The following KIAA0232 variants were observed in gnomAD, a reference collection of about 807,000 sequenced individuals.
KIAA0232 encodes uncharacterized protein KIAA0232.
In KIAA0232, 27 loss-of-function variants were observed where a neutral mutation model predicts 122.0. The ratio of observed to expected loss-of-function variants is 0.22; its 90% confidence interval spans 0.16 to 0.31. The LOEUF (loss-of-function observed/expected upper bound fraction) is 0.31. Among genes scored for constraint, KIAA0232 ranks in the 10% least tolerant of loss-of-function variants. The probability of loss-of-function intolerance (pLI) is 1.00; values close to 1 mark genes in which losing one functional copy is unlikely to be tolerated. For synonymous variants in KIAA0232, 613 were observed against 587.6 expected, an observed-to-expected ratio of 1.04 and a Z score of -0.63; for missense variants, 1,551 against 1,634.2, an observed-to-expected ratio of 0.95 and a Z score of 0.88.
intron 2 of KIAA0232, among the ~76,000 whole-genome samples, chr4:6,814,224 C>T (rs559624112): frequency 6.6e-6 from 1 of 152,126 alleles, no homozygotes; most frequent in Non-Finnish European, 1.5e-5. Context: ...GTTGTATTTC[C>T]ATATTCCTCC....
At chr4:6,830,561 C>A (rs1718918883) in intron 3 of KIAA0232, among the ~76,000 whole-genome samples, 1 of 151,888 alleles carries the variant, frequency 6.6e-6, no homozygotes, top group South Asian at 2.1e-4. Context: ...CGTGCATTAC[C>A]ATGCCTGGGT....
At chr4:6,850,175 C>T (rs1448307733) in intron 4 of KIAA0232, among the ~76,000 whole-genome samples, 1 of 152,120 alleles carries the variant, frequency 6.6e-6, no homozygotes, top group African/African-American at 2.4e-5. Flanking sequence ...GGGTTAGGGG[C>T]TGGGGTATGA....
chr4:6,871,646 T>A lies in KIAA0232; in HGVS notation c.3874T>A (p.Leu1292Met). ...AAAACAGACCTGGTGGGAAAAAGCC[T>A]TGTACTCTCCTCTTTTTCCTGCATC... ...QEKQTWWEKA[L>M]YSPLFPASEC... Residue 1292 changes from leucine to methionine, a missense_variant, in exon 8 of 10, where the codon TTG becomes ATG. Leu to Met is a conservative substitution (Grantham distance 15). Transcript: ENST00000307659. 6.2e-7 allele frequency: 1 copy of A among 1,611,744 alleles called. No individual in the cohort carries two copies. Among genetic ancestry groups the A allele is most frequent in the South Asian group, 1.1e-5 (1 of 91,006 alleles).
intron 3 of KIAA0232, 121 bp downstream of exon 3, chr4:6,824,805 C>T: frequency 2.5e-6 from 2 of 810,594 alleles, no homozygotes; most frequent in Non-Finnish European, 4.0e-6. Flanking sequence ...AAACATTTAA[C>T]CTGTCAGTGA....
intron 9 of KIAA0232, among the ~76,000 whole-genome samples, chr4:6,877,173 T>C (rs989673142): frequency 4.6e-5 from 7 of 152,300 alleles, no homozygotes; most frequent in Non-Finnish European, 8.8e-5. Flanking sequence ...GCCAGTGTGC[T>C]TGTTGCCGCT....
intron 7 of KIAA0232, 91 bp downstream of exon 7, chr4:6,864,274 A>C (rs1039444561): frequency 6.6e-6 from 9 of 1,373,040 alleles, no homozygotes; most frequent in South Asian, 2.9e-5. Flanking sequence ...ATAGGGTTAA[A>C]TTATTGGGAA....
intron 8 of KIAA0232, among the ~76,000 whole-genome samples, chr4:6,876,312 TGTGG>T (rs1273953160): frequency 3.3e-5 from 5 of 152,208 alleles, no homozygotes; most frequent in African/African-American, 1.2e-4. Flanking sequence ...GCATGGGCCC[TGTGG>T]GTCTCTCTGT....
Position 6,861,925 on chromosome 4 carries a change from G to C in KIAA0232, c.1543G>C (p.Asp515His). The C allele has an allele frequency of 6.2e-7, 1 of 1,613,984 alleles. No homozygotes were observed. Among genetic ancestry groups the C allele is most frequent in the Non-Finnish European group, 8.5e-7 (1 of 1,179,940 alleles). ...AACGCACTTCTATGAAGTGGATATT[G>C]ATCAATCCATGTTGGATCCTGGTGC... ...ELTHFYEVDI[D>H]QSMLDPGASE... is the part of the protein sequence containing the mutation. Residue 515 changes from aspartate (D) to histidine (H), a missense_variant, in exon 7 of 10, where the codon GAT becomes CAT. Physicochemically the swap from Asp to His is moderately conservative, Grantham distance 81. Around this residue, in one of 5 missense-constraint regions of KIAA0232, gnomAD observed 1,108 missense variants for 1,154.8 expected, o/e 0.96. Coordinates refer to ENST00000307659, the MANE Select transcript of KIAA0232 (RefSeq NM_014743.3).
intron 2 of KIAA0232, among the ~76,000 whole-genome samples, chr4:6,814,203 A>G (rs1399893553): frequency 6.6e-6 from 1 of 152,156 alleles, no homozygotes; most frequent in African/African-American, 2.4e-5. Context: ...ACTGGACAGC[A>G]AAGAGAGGTT....
rs551843694 is a variant in KIAA0232, at chr4:6,809,922, A to T, written c.-270+5316A>T. Reference sequence around the variant, plus strand: ...GAAGACTACAAAATACTGATAAAAGAAATTGTAGATGACAAATAAATGGAA... The same window carrying T: ...GAAGACTACAAAATACTGATAAAAGTAATTGTAGATGACAAATAAATGGAA... On this transcript the variant is annotated intron_variant, in intron 2 of 9. Transcript: ENST00000307659. Among the ~76,000 whole-genome samples the T allele has an allele frequency of 2.0e-4, 31 of 152,330 alleles. No homozygotes were observed. The South Asian group carries it at 6.4e-3, about 32-fold the overall frequency.
intron 9 of KIAA0232, among the ~76,000 whole-genome samples, chr4:6,877,087 CT>C (rs3214200): frequency 2.8e-3 from 403 of 146,406 alleles, no homozygotes; most frequent in African/African-American, 4.9e-3. Flanking sequence ...CACTTTTCAT[CT>C]TTTTTTTTTT....
intron 3 of KIAA0232, among the ~76,000 whole-genome samples, chr4:6,836,614 C>G (rs1233880973): frequency 7.1e-6 from 1 of 139,898 alleles, no homozygotes; most frequent in African/African-American, 2.7e-5. Flanking sequence ...TTGGCAGGGT[C>G]GTAGGACAAT....
rs1212740401 is a variant in KIAA0232 at position 6,841,056 on chromosome 4, T to C, written c.232-1011T>C. ...AATGCAAACAAGTGTGTGTGATATA[T>C]ACTGTTGTTTATGTAGCTTTTGCTA... is the stretch of plus-strand genomic sequence containing the variant. On this transcript the variant is annotated intron_variant, in intron 3 of 9. Transcript: ENST00000307659. Among the ~76,000 whole-genome samples the C allele has an allele frequency of 2.0e-5, 3 of 152,370 alleles. No individual in the cohort carries two copies. In the East Asian group the frequency reaches 5.8e-4, roughly 29 times the overall value.
Position 6,861,123 on chromosome 4 carries a change from C to T in KIAA0232, c.741C>T (p.Thr247=), listed in dbSNP as rs1720828990. Residue 247 remains threonine, a synonymous_variant, in exon 7 of 10, where the codon ACC becomes ACT. Transcript: ENST00000307659. The part of the protein sequence containing the change: ...SEVPTTVHEK[T]QSKSKNEKEN... ...TACCCACCACTGTGCATGAGAAAAC[C>T]CAGAGCAAAAGCAAAAACGAGAAGG... The T allele has an allele frequency of 6.2e-7, 1 of 1,614,094 alleles. No individual in the cohort carries two copies. The highest frequency in any genetic ancestry group is 8.5e-7 in the Non-Finnish European group (1 of 1,180,026).
intron 1 of KIAA0232, among the ~76,000 whole-genome samples, chr4:6,798,444 G>C (rs900455726): frequency 6.6e-6 from 1 of 152,182 alleles, no homozygotes; most frequent in Non-Finnish European, 1.5e-5. Context: ...TGTAGCATTG[G>C]CTACTACTAC....
In KIAA0232 at chr4:6,818,137, T is replaced by C. The variant is rs551757667; in HGVS notation, c.-269-6048T>C. Among the ~76,000 whole-genome samples the C allele has an allele frequency of 4.1e-4, 63 of 152,232 alleles. 2 individuals carry two copies. In the South Asian group the frequency reaches 0.011, roughly 27 times the overall value. On this transcript the variant is annotated intron_variant, in intron 2 of 9. Coordinates refer to ENST00000307659, the MANE Select transcript of KIAA0232 (RefSeq NM_014743.3). Reference sequence around the variant, plus strand: ...ACATTCCCAGGCTGGGTGAAGTGGCTCACGCCTGTAATTGTAGCACTTTGG... The same window carrying C: ...ACATTCCCAGGCTGGGTGAAGTGGCCCACGCCTGTAATTGTAGCACTTTGG...
At chr4:6,793,733 T>G (rs1430307084) in intron 1 of KIAA0232, among the ~76,000 whole-genome samples, 1 of 152,206 alleles carries the variant, frequency 6.6e-6, no homozygotes, top group Non-Finnish European at 1.5e-5. Context: ...CTAACACTGG[T>G]TAACCGTTCT....
In KIAA0232 at chr4:6,863,800, C is replaced by G. The variant is rs781494715; in HGVS notation, c.3418C>G (p.Gln1140Glu). Reference sequence around the variant, plus strand: ...TGAAGCAAATATTCCCATTCCTTCTCAAGTTGATATATTTGAAGATCCGCA... The same window carrying G: ...TGAAGCAAATATTCCCATTCCTTCTGAAGTTGATATATTTGAAGATCCGCA... ...KDEANIPIPS[Q>E]VDIFEDPQAD... The change falls in exon 7 of 10, where the codon CAA (glutamine) becomes GAA (glutamate). Residue 1140 changes from glutamine to glutamate, a missense_variant. Gln to Glu is a conservative substitution (Grantham distance 29). Coordinates refer to ENST00000307659, the MANE Select transcript of KIAA0232 (RefSeq NM_014743.3). 6.8e-6 allele frequency: 11 copies of G among 1,613,990 alleles called. No homozygotes were observed. The highest frequency in any genetic ancestry group is 9.3e-6 in the Non-Finnish European group (11 of 1,180,036).
chr4:6,828,009 G>C (rs1287017868), intron 3 of KIAA0232, among the ~76,000 whole-genome samples: 1 of 151,986 alleles, frequency 6.6e-6, no homozygotes, highest in East Asian at 1.9e-4. Context: ...GGTCACCTCT[G>C]TCTCTGAAAC....
Sources: gnomAD v4.1 joint callset for allele counts (sites outside exome capture counted in the v4.1 genomes callset) on GRCh38, gnomAD v4.1.1 for gene constraint, gnomAD v4.1.1 regional missense constraint, MANE v1.5 for transcripts, NCBI Gene and HGNC (gene_info 2026-07-23, HGNC 2026-07-21) for gene names.